MEIS2: variants seen among roughly 807,000 people sequenced by gnomAD.
MEIS2 encodes Meis homeobox 2.
MEIS2 carries 9 observed loss-of-function variants against 58.6 expected under a neutral mutation model. That is an observed-to-expected ratio of 0.15 (90% CI 0.09 to 0.27). The LOEUF (loss-of-function observed/expected upper bound fraction) is 0.27. Among genes scored for constraint, MEIS2 ranks in the 10% least tolerant of loss-of-function variants. The probability of loss-of-function intolerance (pLI) is 1.00; values close to 1 mark genes in which losing one functional copy is unlikely to be tolerated. For missense variants in MEIS2, 427 were observed against 635.0 expected, an observed-to-expected ratio of 0.67 and a Z score of 3.52; for synonymous variants, 221 against 228.4, an observed-to-expected ratio of 0.97 and a Z score of 0.29.
chr15:37,007,619 G>A (rs2060970604), intron 8 of MEIS2, among the ~76,000 whole-genome samples: 1 of 152,086 alleles, frequency 6.6e-6, no homozygotes, highest in South Asian at 2.1e-4. Flanking sequence ...GCCAGTTTGT[G>A]AAATATTTTT....
chr15:36,908,503 C>A (rs1274443479), intron 9 of MEIS2, among the ~76,000 whole-genome samples: 1 of 152,212 alleles, frequency 6.6e-6, no homozygotes, highest in Non-Finnish European at 1.5e-5. Flanking sequence ...AGCAAACACA[C>A]TGTACGGCAA....
intron 9 of MEIS2, among the ~76,000 whole-genome samples, chr15:36,934,116 T>C (rs1750547604): frequency 1.3e-5 from 2 of 152,224 alleles, no homozygotes; most frequent in African/African-American, 4.8e-5. Context: ...CGTAAGTAGA[T>C]TTTACACCAC....
At chr15:36,936,948 G>A (rs1226212343) in intron 9 of MEIS2, among the ~76,000 whole-genome samples, 1 of 152,212 alleles carries the variant, frequency 6.6e-6, no homozygotes, top group African/African-American at 2.4e-5. Flanking sequence ...GAGAAGACCT[G>A]ACAAGGAATA....
intron 8 of MEIS2, among the ~76,000 whole-genome samples, chr15:36,994,044 C>A (rs1391907210): frequency 1.3e-5 from 2 of 151,962 alleles, no homozygotes; most frequent in African/African-American, 2.4e-5. Context: ...AAAAAGTATG[C>A]ACATCTCTAT....
At chr15:36,960,054 T>C (rs984535986) in intron 8 of MEIS2, among the ~76,000 whole-genome samples, 1 of 152,096 alleles carries the variant, frequency 6.6e-6, no homozygotes, top group Non-Finnish European at 1.5e-5. Flanking sequence ...GGGCAAATAT[T>C]AAGGAATTAT....
At chr15:36,905,036 G>C (rs2141248597) in intron 9 of MEIS2, among the ~76,000 whole-genome samples, 1 of 149,798 alleles carries the variant, frequency 6.7e-6, no homozygotes, top group East Asian at 1.9e-4. Context: ...TATGTGTATT[G>C]TGTGTGTGTG....
At chr15:36,972,951 A>G (rs945305257) in intron 8 of MEIS2, 6 of 152,176 alleles carry the variant, frequency 3.9e-5, no homozygotes, top group Admixed American at 6.5e-5. Context: ...CTGAACAACT[A>G]TCTTTTAAAT....
chr15:36,900,799 G>T (rs568379604), intron 9 of MEIS2, among the ~76,000 whole-genome samples: 3 of 152,208 alleles, frequency 2.0e-5, no homozygotes, highest in Non-Finnish European at 2.9e-5. Context: ...GTATGGTTCA[G>T]ATTGATAGAA....
intron 7 of MEIS2, among the ~76,000 whole-genome samples, chr15:37,039,013 A>T (rs1247498904): frequency 2.0e-5 from 3 of 152,190 alleles, no homozygotes; most frequent in Non-Finnish European, 4.4e-5. Flanking sequence ...CGATCTCATC[A>T]GCTGTTCATG....
chr15:36,897,621 A>C (rs2056247622), intron 9 of MEIS2: 1 of 151,996 alleles, frequency 6.6e-6, no homozygotes, highest in Non-Finnish European at 1.5e-5. Context: ...AAACAAAACA[A>C]TTTTCTACCA....
At chr15:36,945,979 C>T (rs1027284708) in intron 9 of MEIS2, among the ~76,000 whole-genome samples, 5 of 151,980 alleles carry the variant, frequency 3.3e-5, no homozygotes, top group Admixed American at 2.0e-4. Flanking sequence ...GCTGTAATTA[C>T]TGCAGTGACA....
intron 9 of MEIS2, among the ~76,000 whole-genome samples, chr15:36,930,965 A>G (rs2141330618): frequency 6.6e-6 from 1 of 152,328 alleles, no homozygotes; most frequent in South Asian, 2.1e-4. Flanking sequence ...TGGCAATGGT[A>G]GGCATCAAAA....
upstream of MEIS2, chr15:37,100,983 A>G (rs1427047415): frequency 6.6e-6 from 1 of 151,650 alleles, no homozygotes; most frequent in Non-Finnish European, 1.5e-5. Context: ...GTTCCTTTTA[A>G]TTCCGCGGCC....
chr15:37,061,460 A>ATATC (rs1457761362), intron 7 of MEIS2, among the ~76,000 whole-genome samples: 1 of 152,208 alleles, frequency 6.6e-6, no homozygotes, highest in African/African-American at 2.4e-5. Context: ...TATTTATAAA[A>ATATC]TATCTTTAAC....
chr15:37,099,260 G>C, intron 1 of MEIS2, 195 bp downstream of exon 1: 1 of 1,448,098 alleles, frequency 6.9e-7, no homozygotes, highest in Non-Finnish European at 9.1e-7. Flanking sequence ...ACACACGCAC[G>C]CACACACACT....
At chr15:37,029,097 T>C (rs1272283836) in intron 8 of MEIS2, among the ~76,000 whole-genome samples, 1 of 152,160 alleles carries the variant, frequency 6.6e-6, no homozygotes, top group Admixed American at 6.5e-5. Context: ...CGATCTCTAG[T>C]ATAAGATTCC....
chr15:36,956,188 CAAAA>C (rs372946912), intron 8 of MEIS2, among the ~76,000 whole-genome samples: 1 of 56,648 alleles, frequency 1.8e-5, no homozygotes, highest in Admixed American at 2.3e-4. Flanking sequence ...AACTCCATCT[CAAAA>C]AAAAAAAAAA....
At chr15:37,063,260 G>T (rs921652707) in intron 7 of MEIS2, among the ~76,000 whole-genome samples, 1 of 152,094 alleles carries the variant, frequency 6.6e-6, no homozygotes, top group Non-Finnish European at 1.5e-5. Flanking sequence ...CAAACTTCTG[G>T]CCTCAGGTGA....
At chr15:36,905,590 A>G (rs1232181520) in intron 9 of MEIS2, among the ~76,000 whole-genome samples, 1 of 152,150 alleles carries the variant, frequency 6.6e-6, no homozygotes, top group Non-Finnish European at 1.5e-5. Flanking sequence ...GGTATAAAGG[A>G]GCAGATATAA....
Sources: gnomAD v4.1 joint callset for allele counts (sites outside exome capture counted in the v4.1 genomes callset) on GRCh38, gnomAD v4.1.1 for gene constraint, MANE v1.5 for transcripts, NCBI Gene and HGNC (gene_info 2026-07-23, HGNC 2026-07-21) for gene names.